IL20RA: variants seen among roughly 807,000 people sequenced by gnomAD.
The protein encoded by IL20RA is interleukin-20 receptor subunit alpha.
In IL20RA, 29 loss-of-function variants were observed where a neutral mutation model predicts 36.5. That is an observed-to-expected ratio of 0.79 (90% confidence interval 0.59 to 1.08). The LOEUF (loss-of-function observed/expected upper bound fraction) is 1.08. Among genes scored for constraint, IL20RA ranks in the 50% least tolerant of loss-of-function variants. The pLI is 0.00. For missense variants in IL20RA, 652 were observed against 668.4 expected, an observed-to-expected ratio of 0.98 and a Z score of 0.27; for synonymous variants, 279 against 267.1, an observed-to-expected ratio of 1.04 and a Z score of -0.43.
chr6:137,017,210 T>G, intron 1 of IL20RA, 107 bp from the exon 2 acceptor site: 1 of 776,390 alleles, frequency 1.3e-6, no homozygotes, highest in Non-Finnish European at 2.1e-6. Flanking sequence ...CCTTCCAGTA[T>G]GCATGCCCTA....
chr6:137,013,919 T>G (rs990398682), intron 2 of IL20RA, among the ~76,000 whole-genome samples: 4 of 152,212 alleles, frequency 2.6e-5, no homozygotes, highest in Non-Finnish European at 5.9e-5. Flanking sequence ...AAACATATTT[T>G]TAAAAGTTGC....
intron 1 of IL20RA, among the ~76,000 whole-genome samples, chr6:137,034,563 C>T (rs370382590): frequency 2.0e-5 from 3 of 152,110 alleles, no homozygotes; most frequent in African/African-American, 4.8e-5. Flanking sequence ...GCTCTCCCTC[C>T]CCCAGCACTC....
chr6:137,037,218 C>T (rs1045515867), intron 1 of IL20RA, among the ~76,000 whole-genome samples: 1 of 152,148 alleles, frequency 6.6e-6, no homozygotes, highest in Non-Finnish European at 1.5e-5. Flanking sequence ...GTGGGTAGAG[C>T]TGGCATTTGC....
rs1446505160 is a variant in IL20RA at position 137,044,906 on chromosome 6, AACCAAGGGCGAGCG to A, written c.-192_-179del. On this transcript the variant is annotated 5_prime_UTR_variant, in exon 1 of 7. Coordinates refer to ENST00000316649, the MANE Select transcript of IL20RA (RefSeq NM_014432.4). ...GCCGCGTCCCCCAGGCTTCCCCAGAAACCAAGGGCGAGCGACTCGCGGAGCCCCCACGCGCGCTC... is the reference window on the plus strand; with the variant it reads ...GCCGCGTCCCCCAGGCTTCCCCAGAAACTCGCGGAGCCCCCACGCGCGCTC... The A allele has an allele frequency of 8.0e-6, 4 of 501,486 alleles. No homozygotes were observed. The highest frequency in any genetic ancestry group is 1.2e-5 in the Non-Finnish European group (4 of 335,442). The allele number at this position is 501,486 out of a possible 1,614,324, so 31.1% of individuals were successfully genotyped here.
intron 5 of IL20RA, among the ~76,000 whole-genome samples, chr6:137,005,414 C>T (rs1247130422): frequency 1.3e-5 from 2 of 152,130 alleles, no homozygotes; most frequent in Non-Finnish European, 2.9e-5. Flanking sequence ...GAGTAAAAGT[C>T]CGCAGAGGAA....
At position 137,004,159 on chromosome 6, in the gene IL20RA, CTTTTTTT is replaced by C. The variant is rs140038413; in HGVS notation, c.864+455_864+461del. On this transcript the variant is annotated intron_variant, in intron 6 of 6. Transcript: ENST00000316649. ...TCTGTTAGTCAGCTAATCCAGAAAG[CTTTTTTT>C]TTTTTTTTTTTTTTTTTTTGAGACA... Among the ~76,000 whole-genome samples the C allele has an allele frequency of 1.6e-4, 14 of 88,016 alleles. 1 individual carries two copies. The highest frequency in any genetic ancestry group is 1.4e-3 in the Admixed American group (11 of 7,676). The allele number at this position is 88,016 out of a possible 152,430, so 57.7% of individuals were successfully genotyped here.
At chr6:137,017,927 G>C (rs926978339) in intron 1 of IL20RA, among the ~76,000 whole-genome samples, 4 of 152,086 alleles carry the variant, frequency 2.6e-5, no homozygotes, top group Non-Finnish European at 5.9e-5. Flanking sequence ...ATAAAGCAAA[G>C]ATAATCCTTG....
At position 137,044,717 on chromosome 6, in the gene IL20RA, G is replaced by C; in HGVS notation, c.12C>G (p.Pro4=). The C allele has an allele frequency of 8.2e-7, 1 of 1,219,524 alleles. No individual in the cohort carries two copies. Among genetic ancestry groups the C allele is most frequent in the Non-Finnish European group, 1.0e-6 (1 of 980,478 alleles). 75.5% of individuals were successfully genotyped at this position (1,219,524 alleles called of 1,614,324 possible). The change falls in exon 1 of 7, where the codon CCC becomes CCG. Residue 4 remains proline, a synonymous_variant. Coordinates refer to ENST00000316649, the MANE Select transcript of IL20RA (RefSeq NM_014432.4). The stretch of plus-strand genomic sequence containing the variant: ...GCAGCGGCCGCAGGGCCGGGCGGCC[G>C]GGAGCCCGCATGGGCGGCGGGGCTG... MRA[P]GRPALRPLPL...
At chr6:137,018,334 G>A (rs1775774699) in intron 1 of IL20RA, among the ~76,000 whole-genome samples, 1 of 152,170 alleles carries the variant, frequency 6.6e-6, no homozygotes, top group South Asian at 2.1e-4. Flanking sequence ...ATTAAACTTT[G>A]TAATATCACC....
intron 1 of IL20RA, among the ~76,000 whole-genome samples, chr6:137,025,268 C>T (rs773772752): frequency 1.3e-5 from 2 of 152,038 alleles, no homozygotes; most frequent in Non-Finnish European, 2.9e-5. Context: ...AGGGCAGAGC[C>T]CTCATGAGTG....
At chr6:137,029,261 G>A (rs547384684) in intron 1 of IL20RA, among the ~76,000 whole-genome samples, 75 of 152,056 alleles carry the variant, frequency 4.9e-4, no homozygotes, top group Admixed American at 4.3e-3. Context: ...TAATCCCAGC[G>A]CTTTGGGAGG....
rs182679696 is a variant in IL20RA, at chr6:137,032,808, C to T, written c.88+11833G>A. Reference sequence around the variant, plus strand: ...TTTTGAGGGTGACCAGGACTAGGATCGGACCTCTTCAAGGCTGAATTACGC... The same window carrying T: ...TTTTGAGGGTGACCAGGACTAGGATTGGACCTCTTCAAGGCTGAATTACGC... On this transcript the variant is annotated intron_variant, in intron 1 of 6. Coordinates refer to ENST00000316649, the MANE Select transcript of IL20RA (RefSeq NM_014432.4). Among the ~76,000 whole-genome samples the T allele has an allele frequency of 6.0e-4, 91 of 152,232 alleles. 1 individual carries two copies. The highest frequency in any genetic ancestry group is 1.9e-3 in the African/African-American group (81 of 41,542).
chr6:137,019,612 T>C (rs901770297), intron 1 of IL20RA, among the ~76,000 whole-genome samples: 3 of 152,218 alleles, frequency 2.0e-5, no homozygotes, highest in African/African-American at 7.2e-5. Flanking sequence ...AAATAAACTA[T>C]ACTCTGGAAT....
chr6:137,021,493 T>G (rs1048910894), intron 1 of IL20RA, among the ~76,000 whole-genome samples: 2 of 130,948 alleles, frequency 1.5e-5, no homozygotes, highest in Non-Finnish European at 3.3e-5. Flanking sequence ...GGTGAAACCC[T>G]GTTTCTAGCA....
chr6:137,033,938 G>A, intron 1 of IL20RA, among the ~76,000 whole-genome samples: 1 of 152,254 alleles, frequency 6.6e-6, no homozygotes, highest in East Asian at 1.9e-4. Context: ...CTTGGATACT[G>A]GACCAGGCAA....
chr6:137,021,188 T>C (rs879204712), intron 1 of IL20RA, among the ~76,000 whole-genome samples: 1 of 152,092 alleles, frequency 6.6e-6, no homozygotes, highest in Admixed American at 6.5e-5. Context: ...TTAGTAGTAT[T>C]TTGTTAATTA....
In IL20RA at chr6:137,002,287, A is replaced by G. The variant is rs1775100142; in HGVS notation, c.933T>C (p.Phe311=). The G allele has an allele frequency of 6.2e-7, 1 of 1,609,098 alleles. No individual in the cohort carries two copies. Among genetic ancestry groups the G allele is most frequent in the Admixed American group, 1.7e-5 (1 of 58,992 alleles). The part of the protein sequence containing the change: ...FVPAEKIVIN[F]ITLNISDDSK... ...AATCATCCGAGATATTGAGGGTGAT[A>G]AAGTTAATCACGATTTTTTCAGCAG... is the stretch of plus-strand genomic sequence containing the variant. The change falls in exon 7 of 7, where the codon TTT becomes TTC. Residue 311 remains phenylalanine, a synonymous_variant. Transcript: ENST00000316649.
At chr6:137,028,659 C>A (rs1328261505) in intron 1 of IL20RA, among the ~76,000 whole-genome samples, 1 of 152,026 alleles carries the variant, frequency 6.6e-6, no homozygotes, top group Non-Finnish European at 1.5e-5. Flanking sequence ...TGCTTCATAG[C>A]AAGTAAGACT....
intron 1 of IL20RA, among the ~76,000 whole-genome samples, chr6:137,020,699 G>C (rs1473004685): frequency 6.6e-6 from 1 of 152,204 alleles, no homozygotes; most frequent in East Asian, 1.9e-4. Flanking sequence ...AAAAACAAAT[G>C]CTTAGTTAAG....
Sources: allele counts gnomAD v4.1 joint callset (sites outside exome capture counted in the v4.1 genomes callset), GRCh38; gene constraint gnomAD v4.1.1; transcripts MANE v1.5; gene names NCBI Gene and HGNC (gene_info 2026-07-23, HGNC 2026-07-21).